LUC7L2: variants seen among roughly 807,000 people sequenced by gnomAD.
The protein encoded by LUC7L2 is LUC7 like 2, pre-mRNA splicing factor, also known as putative RNA-binding protein Luc7-like 2.
A neutral mutation model predicts 52.8 loss-of-function variants in LUC7L2; 25 were observed. The observed-to-expected ratio is 0.47, with a 90% CI of 0.34 to 0.66. The LOEUF is 0.66. LUC7L2 is among the 30% of genes least tolerant of loss of function. The pLI, the probability that LUC7L2 is intolerant of heterozygous loss-of-function variation, is 0.01. For missense variants in LUC7L2, 328 were observed against 497.8 expected, an observed-to-expected ratio of 0.66 and a Z score of 3.25; for synonymous variants, 144 against 160.9, an observed-to-expected ratio of 0.89 and a Z score of 0.80.
At chr7:139,373,352 A>G (rs1418076165) in intron 1 of LUC7L2, among the ~76,000 whole-genome samples, 1 of 152,138 alleles carries the variant, frequency 6.6e-6, no homozygotes, top group Non-Finnish European at 1.5e-5. Flanking sequence ...ATTCTCTCTC[A>G]AGGTATTTCT....
chr7:139,383,030 A>G (rs1353337512), intron 2 of LUC7L2, among the ~76,000 whole-genome samples: 3 of 152,138 alleles, frequency 2.0e-5, no homozygotes, highest in Non-Finnish European at 4.4e-5. Flanking sequence ...GGCATAAGCA[A>G]TTCTCCTGCC....
In LUC7L2 at chr7:139,407,177, G is replaced by A. The variant is rs748935969; in HGVS notation, c.514G>A (p.Val172Ile). The A allele has an allele frequency of 1.6e-5, 25 of 1,606,864 alleles. No individual in the cohort carries two copies. Among genetic ancestry groups the A allele is most frequent in the Non-Finnish European group, 2.1e-5 (25 of 1,176,720 alleles). The change falls in exon 6 of 10, where the codon GTT (valine) becomes ATT (isoleucine). Residue 172 changes from valine (V) to isoleucine (I), a missense_variant. Val to Ile is a conservative substitution (Grantham distance 29, BLOSUM62 3). This residue lies in a region of LUC7L2 where 133 missense variants were observed against 274.4 expected (regional missense o/e 0.48). Coordinates refer to ENST00000354926, the MANE Select transcript of LUC7L2 (RefSeq NM_016019.5). Reference protein sequence around the residue: ...ARAKKREAEEVYRNSMPASSF... With the variant: ...ARAKKREAEEIYRNSMPASSF... Reference sequence around the variant, plus strand: ...TGTTTTTCTCACTTTTGTTTAGGAAGTTTATCGGAATTCTATGCCAGCTTC... The same window carrying A: ...TGTTTTTCTCACTTTTGTTTAGGAAATTTATCGGAATTCTATGCCAGCTTC...
intron 7 of LUC7L2, among the ~76,000 whole-genome samples, chr7:139,411,082 G>A (rs976292607): frequency 6.6e-6 from 1 of 152,124 alleles, no homozygotes; most frequent in Non-Finnish European, 1.5e-5. Context: ...GTAATATTGG[G>A]AATCTCATTT....
Position 139,422,154 on chromosome 7 carries a change from A to G in LUC7L2, c.1002-9A>G. 6.3e-7 allele frequency: 1 copy of G among 1,587,588 alleles called. No individual in the cohort carries two copies. The highest frequency in any genetic ancestry group is 1.2e-5 in the South Asian group (1 of 85,950). The stretch of plus-strand genomic sequence containing the variant: ...AACATATTTTGCTCCTCAAATTAAT[A>G]TTTTTCAGATCCTCAAAAGAAAGAT... On this transcript the variant is annotated splice_polypyrimidine_tract_variant and intron_variant, in intron 9 of 9. Coordinates refer to ENST00000354926, the MANE Select transcript of LUC7L2 (RefSeq NM_016019.5).
chr7:139,398,106 G>C (rs2131273337), intron 2 of LUC7L2, among the ~76,000 whole-genome samples: 1 of 152,296 alleles, frequency 6.6e-6, no homozygotes, highest in African/African-American at 2.4e-5. Flanking sequence ...CGATCCTCCT[G>C]CCTTGGCCTT....
intron 2 of LUC7L2, among the ~76,000 whole-genome samples, chr7:139,393,738 A>G (rs12154842): frequency 0.39 from 58,954 of 152,050 alleles, 16,034 homozygotes; most frequent in African/African-American, 0.78. Flanking sequence ...GAGCCACCAC[A>G]CCTGACCATG....
At chr7:139,385,317 T>TG (rs1585100138) in intron 2 of LUC7L2, among the ~76,000 whole-genome samples, 1 of 65,112 alleles carries the variant, frequency 1.5e-5, no homozygotes, top group East Asian at 3.1e-4. Flanking sequence ...ATTACTTTTT[T>TG]TTTTTTTTTT....
intron 6 of LUC7L2, among the ~76,000 whole-genome samples, chr7:139,408,863 T>C (rs1446330931): frequency 1.4e-5 from 2 of 139,938 alleles, no homozygotes; most frequent in Non-Finnish European, 3.1e-5. Flanking sequence ...AAAAAAGTCA[T>C]GGAGCTGGGT....
upstream of LUC7L2, among the ~76,000 whole-genome samples, chr7:139,357,264 G>A (rs1290311065): frequency 6.6e-6 from 1 of 152,048 alleles, no homozygotes; most frequent in Non-Finnish European, 1.5e-5. Context: ...AAAAATAAGA[G>A]TTTTAAACCC....
At chr7:139,351,624 G>A (rs1048084452) in intron 1 of LUC7L2, among the ~76,000 whole-genome samples, 2 of 152,192 alleles carry the variant, frequency 1.3e-5, no homozygotes, top group Admixed American at 6.5e-5. Context: ...CCAGGGCCTG[G>A]CCCTTGCCAG....
chr7:139,349,401 A>G (rs565137355), intron 1 of LUC7L2, among the ~76,000 whole-genome samples: 112 of 152,316 alleles, frequency 7.4e-4, no homozygotes, highest in African/African-American at 2.5e-3. Context: ...CCTCCTATTC[A>G]TAGTCGCACC....
chr7:139,421,043 T>G (rs1292168231), intron 9 of LUC7L2, among the ~76,000 whole-genome samples: 1 of 152,064 alleles, frequency 6.6e-6, no homozygotes, highest in African/African-American at 2.4e-5. Flanking sequence ...TCAAGTGATC[T>G]GCCTGCCTTG....
At chr7:139,353,026 T>TG (rs1416906863) in intron 1 of LUC7L2, among the ~76,000 whole-genome samples, 3 of 152,108 alleles carry the variant, frequency 2.0e-5, no homozygotes, top group Non-Finnish European at 1.5e-5. Flanking sequence ...GGTGAAACTC[T>TG]GTCTTTACTA....
At chr7:139,387,862 C>T (rs1794272440) in intron 2 of LUC7L2, among the ~76,000 whole-genome samples, 1 of 152,168 alleles carries the variant, frequency 6.6e-6, no homozygotes, top group Non-Finnish European at 1.5e-5. Context: ...AAGTGATCCT[C>T]CTGCTATGGC....
At chr7:139,368,399 A>T (rs962883851) in intron 1 of LUC7L2, among the ~76,000 whole-genome samples, 1 of 152,250 alleles carries the variant, frequency 6.6e-6, no homozygotes, top group Non-Finnish European at 1.5e-5. Context: ...AAGCATCTGT[A>T]TGATTGAACA....
chr7:139,345,197 T>C (rs1799213413), intron 1 of LUC7L2, among the ~76,000 whole-genome samples: 1 of 152,146 alleles, frequency 6.6e-6, no homozygotes, highest in Admixed American at 6.5e-5. Flanking sequence ...CCTCTGAGCA[T>C]CTCTGGACTT....
chr7:139,364,807 ATC>A (rs1310154117), intron 1 of LUC7L2, among the ~76,000 whole-genome samples: 1 of 152,166 alleles, frequency 6.6e-6, no homozygotes, highest in Admixed American at 6.5e-5. Context: ...CTTTACTGTA[ATC>A]TGTGTTCCTT....
At chr7:139,369,156 G>C (rs954249334) in intron 1 of LUC7L2, among the ~76,000 whole-genome samples, 1 of 151,998 alleles carries the variant, frequency 6.6e-6, no homozygotes, top group Non-Finnish European at 1.5e-5. Context: ...GATAGCTTTC[G>C]TTACTTCTAA....
At chr7:139,422,088 A>T in intron 9 of LUC7L2, 75 bp from the exon 10 acceptor site, 1 of 1,508,086 alleles carries the variant, frequency 6.6e-7, no homozygotes, top group Non-Finnish European at 8.8e-7. Flanking sequence ...TCAAGAGCTT[A>T]ATATTTATCC....
Sources: gnomAD v4.1 joint callset for allele counts (sites outside exome capture counted in the v4.1 genomes callset) on GRCh38, gnomAD v4.1.1 for gene constraint, gnomAD v4.1.1 regional missense constraint, MANE v1.5 for transcripts, NCBI Gene and HGNC (gene_info 2026-07-23, HGNC 2026-07-21) for gene names.